Variants in FGGY observed in about 807,000 individuals in gnomAD.
FGGY encodes FGGY carbohydrate kinase domain-containing protein.
Under a neutral mutation model 71.3 loss-of-function variants are expected in FGGY, and 72 were observed. That is an observed-to-expected ratio of 1.01 (90% CI 0.84 to 1.23). The LOEUF (loss-of-function observed/expected upper bound fraction) is 1.23, where lower values mean the gene tolerates loss of function less well. FGGY is among the 50% of genes most tolerant of loss of function. The probability of loss-of-function intolerance (pLI) is 0.00; values close to 1 mark genes in which losing one functional copy is unlikely to be tolerated. For missense variants in FGGY, 668 were observed against 682.3 expected (o/e 0.98, Z 0.23); for synonymous variants, 251 against 250.3 (o/e 1.00, Z -0.02).
At chr1:59,326,306 GT>G (rs2047421449) in intron 2 of FGGY, among the ~76,000 whole-genome samples, 1 of 152,194 alleles carries the variant, frequency 6.6e-6, no homozygotes, top group African/African-American at 2.4e-5. Flanking sequence ...TATGAAGCCA[GT>G]AAAGTACCAT....
At chr1:59,381,603 G>A (rs1456208810) in intron 5 of FGGY, among the ~76,000 whole-genome samples, 1 of 150,430 alleles carries the variant, frequency 6.6e-6, no homozygotes. Flanking sequence ...TTATTGACTG[G>A]AATGTCATTG....
chr1:59,479,088 G>A (rs1266437946), intron 6 of FGGY, among the ~76,000 whole-genome samples: 2 of 152,178 alleles, frequency 1.3e-5, no homozygotes, highest in Non-Finnish European at 2.9e-5. Flanking sequence ...ACAACAACAT[G>A]AGATGTGTAG....
chr1:59,527,787 G>T (rs1400084446), intron 7 of FGGY, among the ~76,000 whole-genome samples: 1 of 152,160 alleles, frequency 6.6e-6, no homozygotes, highest in Non-Finnish European at 1.5e-5. Context: ...GAGAAAATAG[G>T]TTATTTTGAT....
intron 14 of FGGY, among the ~76,000 whole-genome samples, chr1:59,724,875 C>T (rs899894635): frequency 1.3e-5 from 2 of 152,104 alleles, no homozygotes; most frequent in African/African-American, 2.4e-5. Context: ...TATTCAGATA[C>T]AAGTTTCTTT....
chr1:59,328,283 G>A (rs1557560619), intron 2 of FGGY, among the ~76,000 whole-genome samples: 1 of 152,170 alleles, frequency 6.6e-6, no homozygotes, highest in Non-Finnish European at 1.5e-5. Context: ...ATAACTTGCT[G>A]GAGTTTCTAC....
intron 14 of FGGY, among the ~76,000 whole-genome samples, chr1:59,695,968 AACCATAT>A (rs1470604666): frequency 6.6e-6 from 1 of 152,174 alleles, no homozygotes; most frequent in African/African-American, 2.4e-5. Flanking sequence ...AAAACTTTCT[AACCATAT>A]GTCAGTCTCC....
chr1:59,762,464 G>A (rs1265940134), intron 15 of FGGY, 39 bp from the exon 16 acceptor site: 1 of 1,526,604 alleles, frequency 6.6e-7, no homozygotes, highest in African/African-American at 1.4e-5. Context: ...TGGCAGTTTT[G>A]TCTTGAGATC....
intron 5 of FGGY, among the ~76,000 whole-genome samples, chr1:59,440,094 CAAAAAAAAA>C (rs140279518): frequency 1.6e-5 from 2 of 125,542 alleles, no homozygotes; most frequent in African/African-American, 5.8e-5. Flanking sequence ...TTGCAAGGTT[CAAAAAAAAA>C]AAAAAAAAAC....
At chr1:59,382,985 CA>C in intron 5 of FGGY, among the ~76,000 whole-genome samples, 1 of 152,258 alleles carries the variant, frequency 6.6e-6, no homozygotes, top group African/African-American at 2.4e-5. Flanking sequence ...GGCATGCATA[CA>C]CACGGTGGAC....
At chr1:59,643,593 G>A (rs957380735) in intron 11 of FGGY, among the ~76,000 whole-genome samples, 5 of 152,090 alleles carry the variant, frequency 3.3e-5, no homozygotes, top group African/African-American at 1.2e-4. Context: ...GAAAAAGGGG[G>A]AAATGGCAAA....
At chr1:59,439,050 A>G (rs1002056669) in intron 5 of FGGY, among the ~76,000 whole-genome samples, 6 of 152,136 alleles carry the variant, frequency 3.9e-5, no homozygotes, top group African/African-American at 9.7e-5. Flanking sequence ...TGACAGCCCA[A>G]CTGGATGTTG....
chr1:59,452,781 G>T (rs1448547946), intron 5 of FGGY, among the ~76,000 whole-genome samples: 2 of 152,196 alleles, frequency 1.3e-5, no homozygotes, highest in Admixed American at 6.5e-5. Flanking sequence ...CACCCTTGGT[G>T]GAAGCAGCAC....
intron 13 of FGGY, among the ~76,000 whole-genome samples, chr1:59,671,073 G>T (rs766846048): frequency 3.9e-5 from 6 of 152,156 alleles, no homozygotes; most frequent in Non-Finnish European, 7.4e-5. Context: ...GTGCACACCA[G>T]TGTGCCAAGC....
At chr1:59,493,641 G>A (rs1202435093) in intron 6 of FGGY, among the ~76,000 whole-genome samples, 1 of 152,064 alleles carries the variant, frequency 6.6e-6, no homozygotes, top group Non-Finnish European at 1.5e-5. Context: ...GGGGGAAGGG[G>A]GAAAGGAGAA....
chr1:59,331,311 C>T (rs550696531), intron 2 of FGGY, among the ~76,000 whole-genome samples: 2 of 152,258 alleles, frequency 1.3e-5, no homozygotes, highest in South Asian at 2.1e-4. Flanking sequence ...TGGGATGCTA[C>T]GTAGGTAAAG....
intron 6 of FGGY, among the ~76,000 whole-genome samples, chr1:59,467,497 T>TA (rs5774464): frequency 0.069 from 10,265 of 149,002 alleles, 474 homozygotes; most frequent in East Asian, 0.13. Flanking sequence ...TAAAGTATAA[T>TA]AAAAAAAAAA....
chr1:59,426,474 C>G (rs2153452971), intron 5 of FGGY, among the ~76,000 whole-genome samples: 1 of 152,238 alleles, frequency 6.6e-6, no homozygotes, highest in South Asian at 2.1e-4. Flanking sequence ...ATTTCACCCT[C>G]AAAAATACCA....
At chr1:59,542,189 T>G (rs956636820) in intron 7 of FGGY, among the ~76,000 whole-genome samples, 9 of 152,202 alleles carry the variant, frequency 5.9e-5, no homozygotes, top group Admixed American at 3.3e-4. Flanking sequence ...TTGTCCTCTC[T>G]TGAAGCCATG....
intron 5 of FGGY, among the ~76,000 whole-genome samples, chr1:59,395,929 C>T (rs2061268952): frequency 6.6e-6 from 1 of 152,082 alleles, no homozygotes; most frequent in Non-Finnish European, 1.5e-5. Context: ...TAAAGGAATC[C>T]AACAGAGACC....
Sources: allele counts gnomAD v4.1 joint callset (sites outside exome capture counted in the v4.1 genomes callset), GRCh38; gene constraint gnomAD v4.1.1; transcripts MANE v1.5; gene names NCBI Gene and HGNC (gene_info 2026-07-23, HGNC 2026-07-21).